SMYD3: variants seen among roughly 807,000 people sequenced by gnomAD.
SMYD3 encodes SET and MYND domain containing 3.
Under a neutral mutation model 57.7 loss-of-function variants are expected in SMYD3, and 36 were observed. That is an observed-to-expected ratio of 0.62 (90% CI 0.48 to 0.82). SMYD3 has a LOEUF of 0.82. Ranked by LOEUF, SMYD3 falls within the 40% of genes least tolerant of loss-of-function variation. The pLI is 0.00. For missense variants in SMYD3, 515 were observed against 538.8 expected (o/e 0.96, Z 0.44); for synonymous variants, 211 against 195.0 (o/e 1.08, Z -0.68).
chr1:245,841,758 C>T (rs892622027), intron 10 of SMYD3, among the ~76,000 whole-genome samples: 5 of 152,030 alleles, frequency 3.3e-5, no homozygotes, highest in African/African-American at 9.7e-5. Flanking sequence ...CAAATGATGC[C>T]GAATTCTGTT....
At chr1:246,126,705 A>C (rs1177582147) in intron 5 of SMYD3, among the ~76,000 whole-genome samples, 1 of 152,210 alleles carries the variant, frequency 6.6e-6, no homozygotes, top group Non-Finnish European at 1.5e-5. Flanking sequence ...TAGAAAGAAA[A>C]GCTTTTGCCA....
At chr1:245,945,356 T>G (rs2057397430) in intron 5 of SMYD3, among the ~76,000 whole-genome samples, 2 of 152,140 alleles carry the variant, frequency 1.3e-5, no homozygotes, top group Admixed American at 1.3e-4. Flanking sequence ...AAGACATTTA[T>G]GCTGCCAACA....
chr1:246,414,740 T>C (rs2067032360), intron 1 of SMYD3, among the ~76,000 whole-genome samples: 1 of 109,480 alleles, frequency 9.1e-6, no homozygotes, highest in Non-Finnish European at 1.8e-5. Context: ...TTTTTTGAGA[T>C]AGAGTCTTGC....
At chr1:245,988,891 G>A (rs13376137) in intron 5 of SMYD3, among the ~76,000 whole-genome samples, 21,330 of 152,214 alleles carry the variant, frequency 0.14, 1,620 homozygotes, top group South Asian at 0.23. Flanking sequence ...GAGAGCTGAC[G>A]CTCAGCAGCC....
intron 1 of SMYD3, among the ~76,000 whole-genome samples, chr1:246,485,913 T>C (rs180768816): frequency 5.3e-5 from 8 of 152,212 alleles, no homozygotes; most frequent in Non-Finnish European, 8.8e-5. Flanking sequence ...ACAGGAATAA[T>C]ATAAAGAGAG....
intron 5 of SMYD3, among the ~76,000 whole-genome samples, chr1:246,078,714 G>A (rs183369103): frequency 6.6e-6 from 1 of 152,336 alleles, no homozygotes; most frequent in African/African-American, 2.4e-5. Flanking sequence ...CCTCAATTAA[G>A]GGACTGGCAG....
At chr1:245,854,249 T>C (rs1349466634) in intron 10 of SMYD3, among the ~76,000 whole-genome samples, 7 of 152,104 alleles carry the variant, frequency 4.6e-5, no homozygotes, top group Non-Finnish European at 1.0e-4. Flanking sequence ...TTAGTGTGTG[T>C]GGTGGGGGAG....
intron 8 of SMYD3, among the ~76,000 whole-genome samples, chr1:245,910,988 G>A (rs529290108): frequency 3.9e-5 from 6 of 151,968 alleles, no homozygotes; most frequent in Middle Eastern, 3.4e-3. Flanking sequence ...AATTTGCAAA[G>A]TATTCATTGG....
intron 10 of SMYD3, among the ~76,000 whole-genome samples, chr1:245,779,165 GAAAAA>G (rs369697643): frequency 2.3e-3 from 297 of 126,618 alleles, no homozygotes; most frequent in African/African-American, 6.9e-3. Context: ...GTCCCAAGGG[GAAAAA>G]AAAAAAAAAA....
intron 5 of SMYD3, among the ~76,000 whole-genome samples, chr1:246,302,293 C>A (rs1174667356): frequency 6.6e-6 from 1 of 152,078 alleles, no homozygotes; most frequent in Non-Finnish European, 1.5e-5. Context: ...TGGGGGGAGA[C>A]CAGACCCTAA....
intron 5 of SMYD3, among the ~76,000 whole-genome samples, chr1:246,312,500 G>A (rs1207669302): frequency 1.3e-5 from 2 of 152,168 alleles, no homozygotes; most frequent in Non-Finnish European, 2.9e-5. Flanking sequence ...TTTGGGGGAA[G>A]AATCAGAGGT....
In SMYD3 at chr1:246,203,033, G is replaced by T. The variant is rs562226575; in HGVS notation, c.531+124168C>A. Reference sequence around the variant, plus strand: ...CCAGCTACTCAGGAGGCTGAGACAGGAGAATCACTTCAACCTGGGAGGGTG... The same window carrying T: ...CCAGCTACTCAGGAGGCTGAGACAGTAGAATCACTTCAACCTGGGAGGGTG... On this transcript the variant is annotated intron_variant, in intron 5 of 11. Coordinates refer to ENST00000490107, the MANE Select transcript of SMYD3 (RefSeq NM_001167740.2). The surrounding 1 kb of genome is among the most constrained non-coding windows in gnomAD (Gnocchi z 4.6). 1.6e-3 allele frequency among the ~76,000 whole-genome samples: 244 copies of T among 152,126 alleles called. No homozygotes were observed. The highest frequency in any genetic ancestry group is 3.1e-3 in the Non-Finnish European group (210 of 68,028).
chr1:246,444,690 T>C (rs2067527266), intron 1 of SMYD3, among the ~76,000 whole-genome samples: 1 of 152,142 alleles, frequency 6.6e-6, no homozygotes, highest in Non-Finnish European at 1.5e-5. Context: ...GCATGCAAAA[T>C]TCCTGAAAAG....
Position 245,766,018 on chromosome 1 carries a change from C to CT in SMYD3, c.1077-1870dup, listed in dbSNP as rs992238571. Among the ~76,000 whole-genome samples, 21 of 151,626 alleles carry CT rather than the reference C, an allele frequency of 1.4e-4. No individual in the cohort carries two copies. In the East Asian group the frequency reaches 3.1e-3, roughly 22 times the overall value. ...TCCCATGAAATGTGATATAGAAACA[C>CT]TTTTTTTTTCATTCATGCTCTTAAG... On this transcript the variant is annotated intron_variant, in intron 10 of 11. Coordinates refer to ENST00000490107, the MANE Select transcript of SMYD3 (RefSeq NM_001167740.2).
At chr1:246,057,043 GT>G (rs1388995019) in intron 5 of SMYD3, among the ~76,000 whole-genome samples, 2 of 152,212 alleles carry the variant, frequency 1.3e-5, no homozygotes, top group East Asian at 3.9e-4. Context: ...CCTGCCTGTG[GT>G]CCCAGCTACT....
rs575300739 is a variant in SMYD3, at chr1:246,432,265, G to C, written c.164+74789C>G. On this transcript the variant is annotated intron_variant, in intron 1 of 11. Transcript: ENST00000490107. ...CCATTCTTTCATTTTAATTACTCTA[G>C]AGAGTGATTACATATTTAACTTGGC... 1.4e-4 allele frequency among the ~76,000 whole-genome samples: 22 copies of C among 152,278 alleles called. No homozygotes were observed. In the East Asian group the frequency reaches 3.9e-3, roughly 27 times the overall value.
At chr1:246,145,269 C>T (rs896581857) in intron 5 of SMYD3, among the ~76,000 whole-genome samples, 6 of 152,096 alleles carry the variant, frequency 3.9e-5, no homozygotes, top group Non-Finnish European at 7.4e-5. Flanking sequence ...AAAATGAAAG[C>T]GGTATAACAT....
intron 8 of SMYD3, among the ~76,000 whole-genome samples, chr1:245,881,882 A>T (rs939201677): frequency 6.6e-6 from 1 of 152,164 alleles, no homozygotes; most frequent in Non-Finnish European, 1.5e-5. Flanking sequence ...AGGGAAGCCA[A>T]GTGCAAAGGC....
chr1:246,193,358 A>G (rs1398916419), intron 5 of SMYD3, among the ~76,000 whole-genome samples: 1 of 152,240 alleles, frequency 6.6e-6, no homozygotes, highest in Admixed American at 6.5e-5. Context: ...CTTGTCCATA[A>G]AAAGCAAAAT....
Sources: gnomAD v4.1 joint callset for allele counts (sites outside exome capture counted in the v4.1 genomes callset) on GRCh38, gnomAD v4.1.1 for gene constraint, Gnocchi (gnomAD v3.1) non-coding constraint, MANE v1.5 for transcripts, NCBI Gene and HGNC (gene_info 2026-07-23, HGNC 2026-07-21) for gene names.